The following SPSB1 variants were observed in gnomAD, a reference collection of about 807,000 sequenced individuals.
SPSB1 encodes splA/ryanodine receptor domain and SOCS box containing 1, also known as SPRY domain-containing SOCS box protein 1.
SPSB1 carries 8 observed loss-of-function variants against 21.2 expected under a neutral mutation model. That is an observed-to-expected ratio of 0.38 (90% confidence interval 0.22 to 0.68). The LOEUF is 0.68. Among genes scored for constraint, SPSB1 ranks in the 30% least tolerant of loss-of-function variants. The probability of loss-of-function intolerance (pLI) is 0.53; values close to 1 mark genes in which losing one functional copy is unlikely to be tolerated. For synonymous variants in SPSB1, 169 were observed against 161.7 expected, an observed-to-expected ratio of 1.05 and a Z score of -0.34; for missense variants, 242 against 377.8, an observed-to-expected ratio of 0.64 and a Z score of 2.98.
intron 1 of SPSB1, among the ~76,000 whole-genome samples, chr1:9,316,390 G>A (rs764621341): frequency 3.3e-5 from 5 of 152,196 alleles, no homozygotes; most frequent in Non-Finnish European, 7.4e-5. Context: ...GTGTGCACGT[G>A]TATTTATGTG....
At chr1:9,316,570 C>G (rs1181923112) in intron 1 of SPSB1, among the ~76,000 whole-genome samples, 2 of 152,178 alleles carry the variant, frequency 1.3e-5, no homozygotes, top group East Asian at 1.9e-4. Flanking sequence ...GGGGGCTGAT[C>G]GAAGCGGGTT....
chr1:9,318,705 T>C (rs1639654061), intron 1 of SPSB1, among the ~76,000 whole-genome samples: 1 of 151,238 alleles, frequency 6.6e-6, no homozygotes, highest in Non-Finnish European at 1.5e-5. Context: ...AGGGTTGTTC[T>C]TCTGTCCATT....
In SPSB1 at chr1:9,356,722, G is replaced by A; in HGVS notation, c.694+137G>A. On this transcript the variant is annotated intron_variant, in intron 2 of 2. Coordinates refer to ENST00000328089, the MANE Select transcript of SPSB1 (RefSeq NM_025106.4). The surrounding 1 kb of genome is among the most constrained non-coding windows in gnomAD (Gnocchi z 7.4). ...TTCCAGTGTATTCAGACCCTCAGAGGCAACTTTTGCATCGGGTTAAGTGAG... is the reference window on the plus strand; with the variant it reads ...TTCCAGTGTATTCAGACCCTCAGAGACAACTTTTGCATCGGGTTAAGTGAG... 1 of 1,363,526 alleles carries A rather than the reference G, an allele frequency of 7.3e-7. No homozygotes were observed. The highest frequency in any genetic ancestry group is 9.6e-7 in the Non-Finnish European group (1 of 1,041,836). 84.5% of individuals were successfully genotyped at this position (1,363,526 alleles called of 1,614,324 possible). A position where few individuals can be genotyped will look rare whatever the true frequency, so the allele number is the denominator to read the frequency against.
intron 1 of SPSB1, among the ~76,000 whole-genome samples, chr1:9,347,943 C>CCTTT (rs1640190467): frequency 7.6e-6 from 1 of 132,436 alleles, no homozygotes; most frequent in African/African-American, 2.8e-5. Context: ...TTCCCTGCAA[C>CCTTT]TTTTTTTTTT....
chr1:9,300,297 A>G (rs1639307573), intron 1 of SPSB1, among the ~76,000 whole-genome samples: 1 of 152,172 alleles, frequency 6.6e-6, no homozygotes, highest in Non-Finnish European at 1.5e-5. Context: ...TGGGTGTGTT[A>G]CTCCAGCCCA....
At chr1:9,340,553 G>C (rs951260492) in intron 1 of SPSB1, among the ~76,000 whole-genome samples, 5 of 152,254 alleles carry the variant, frequency 3.3e-5, no homozygotes, top group Non-Finnish European at 7.3e-5. Flanking sequence ...GTTCGGCAGA[G>C]AGGACCTTGG....
In SPSB1 at chr1:9,345,985, C is replaced by T. The variant is rs1280336436; in HGVS notation, c.-149-9758C>T. Among the ~76,000 whole-genome samples, 5 of 152,222 alleles carry T rather than the reference C, an allele frequency of 3.3e-5. No homozygotes were observed. Among genetic ancestry groups the T allele is most frequent in the Non-Finnish European group, 5.9e-5 (4 of 68,034 alleles). Reference sequence around the variant, plus strand: ...CAGGGGCTCCATGGCCCAGCCAGCACGGAGCATGCCCCGAGCCCTTCCACC... The same window carrying T: ...CAGGGGCTCCATGGCCCAGCCAGCATGGAGCATGCCCCGAGCCCTTCCACC... On this transcript the variant is annotated intron_variant, in intron 1 of 2. Transcript: ENST00000328089. The surrounding 1 kb of genome is among the most constrained non-coding windows in gnomAD (Gnocchi z 4.8).
At chr1:9,316,661 G>A (rs2100477381) in intron 1 of SPSB1, among the ~76,000 whole-genome samples, 1 of 152,326 alleles carries the variant, frequency 6.6e-6, no homozygotes, top group Admixed American at 6.5e-5. Context: ...GGGCACAGGC[G>A]CAGGTGGTCA....
At chr1:9,354,950 A>G (rs733893) in intron 1 of SPSB1, among the ~76,000 whole-genome samples, 38,769 of 152,100 alleles carry the variant, frequency 0.25, 5,163 homozygotes, top group Admixed American at 0.34. Context: ...GCATCCTAGC[A>G]TCGGACTTTC....
At chr1:9,297,971 A>G (rs2100457511) in intron 1 of SPSB1, among the ~76,000 whole-genome samples, 1 of 152,332 alleles carries the variant, frequency 6.6e-6, no homozygotes, top group Non-Finnish European at 1.5e-5. Flanking sequence ...TGGGAGCCGC[A>G]GTCACTCAAA....
intron 1 of SPSB1, among the ~76,000 whole-genome samples, chr1:9,330,355 C>T (rs1489231733): frequency 6.6e-6 from 1 of 152,138 alleles, no homozygotes. Flanking sequence ...ATCTCTACTA[C>T]TCAGGAGGCT....
At chr1:9,358,258 T>G (rs1213615252) in intron 2 of SPSB1, among the ~76,000 whole-genome samples, 1 of 152,188 alleles carries the variant, frequency 6.6e-6, no homozygotes, top group African/African-American at 2.4e-5. Flanking sequence ...TGCTGTGACT[T>G]TGACTGTGAT....
rs956375253 is a variant in SPSB1, at chr1:9,321,633, G to A, written c.-150+28562G>A. The stretch of plus-strand genomic sequence containing the variant: ...CTGTGTTTCATCACATCTGAGACCC[G>A]TCGACCGTGAGCTTCACCTTTAAAT... On this transcript the variant is annotated intron_variant, in intron 1 of 2. Transcript: ENST00000328089. The surrounding 1 kb of genome is among the most constrained non-coding windows in gnomAD (Gnocchi z 4.8). 9.2e-5 allele frequency among the ~76,000 whole-genome samples: 14 copies of A among 151,998 alleles called. No individual in the cohort carries two copies. The highest frequency in any genetic ancestry group is 3.4e-4 in the African/African-American group (14 of 41,350).
At chr1:9,355,317 C>T (rs1009826636) in intron 1 of SPSB1, among the ~76,000 whole-genome samples, 7 of 152,232 alleles carry the variant, frequency 4.6e-5, no homozygotes, top group African/African-American at 1.7e-4. Flanking sequence ...GGCTCCACTT[C>T]CCCTCTGAAC....
Position 9,321,375 on chromosome 1 carries a change from G to T in SPSB1, c.-150+28304G>T, listed in dbSNP as rs1209111194. ...CCCGATGGCAGGGGGTGGGCTCCGA[G>T]CTCCAGGGCCCATTCTTGGGAGAGA... is the stretch of plus-strand genomic sequence containing the variant. On this transcript the variant is annotated intron_variant, in intron 1 of 2. Transcript: ENST00000328089. This position sits in a 1 kb window ranked among gnomAD's most constrained non-coding sequence, Gnocchi z 4.8. 6.6e-6 allele frequency among the ~76,000 whole-genome samples: 1 copy of T among 152,146 alleles called. No homozygotes were observed. The highest frequency in any genetic ancestry group is 1.5e-5 in the Non-Finnish European group (1 of 68,032).
intron 2 of SPSB1, among the ~76,000 whole-genome samples, chr1:9,357,021 A>G (rs1209649618): frequency 1.3e-5 from 2 of 151,742 alleles, no homozygotes; most frequent in African/African-American, 4.8e-5. Flanking sequence ...AGATTGATGG[A>G]TGGATGAGTG....
In SPSB1 at chr1:9,368,377, C is replaced by T. The variant is rs1489981895; in HGVS notation, c.*802C>T. ...CAAGTATGTCTCTGGGTCCCTTGCC[C>T]TGCAGTTTCCAGGGGGCTCTGCTCC... On this transcript the variant is annotated 3_prime_UTR_variant, in exon 3 of 3. Coordinates refer to ENST00000328089, the MANE Select transcript of SPSB1 (RefSeq NM_025106.4). 2 of 152,324 alleles carry T rather than the reference C, an allele frequency of 1.3e-5. No individual in the cohort carries two copies. Among genetic ancestry groups the T allele is most frequent in the Middle Eastern group, 3.4e-3 (1 of 296 alleles). 9.4% of individuals were successfully genotyped at this position (152,324 alleles called of 1,614,324 possible).
At chr1:9,327,781 CTG>C (rs1639840401) in intron 1 of SPSB1, among the ~76,000 whole-genome samples, 1 of 152,372 alleles carries the variant, frequency 6.6e-6, no homozygotes, top group South Asian at 2.1e-4. Flanking sequence ...CTACTCGACT[CTG>C]TAGCGTGAAA....
intron 2 of SPSB1, among the ~76,000 whole-genome samples, chr1:9,361,210 A>T (rs1401624792): frequency 8.4e-6 from 1 of 118,424 alleles, no homozygotes; most frequent in Non-Finnish European, 1.6e-5. Flanking sequence ...TATGTTGCCT[A>T]GGCTGGTCTC....
Sources: gnomAD v4.1 joint callset for allele counts (sites outside exome capture counted in the v4.1 genomes callset) on GRCh38, gnomAD v4.1.1 for gene constraint, Gnocchi (gnomAD v3.1) non-coding constraint, MANE v1.5 for transcripts, NCBI Gene and HGNC (gene_info 2026-07-23, HGNC 2026-07-21) for gene names.